Variants in CRAMP1 observed in about 807,000 individuals in gnomAD.
CRAMP1 encodes the protein cramped chromatin regulator 1.
CRAMP1 carries 50 observed loss-of-function variants against 115.4 expected under a neutral mutation model. The ratio of observed to expected loss-of-function variants is 0.43; its 90% CI spans 0.35 to 0.55. The LOEUF (loss-of-function observed/expected upper bound fraction) is 0.55. Ranked by LOEUF, CRAMP1 falls within the 20% of genes least tolerant of loss-of-function variation. The pLI is 0.01. For synonymous variants in CRAMP1, 866 were observed against 745.4 expected, an observed-to-expected ratio of 1.16 and a Z score of -2.64; for missense variants, 1,679 against 1,721.7, an observed-to-expected ratio of 0.98 and a Z score of 0.44.
rs767068024 is a variant in CRAMP1, at chr16:1,656,954, C to T, written c.2197C>T (p.Leu733Phe). ...CCACAAGCAGCGCCTCCTCAGCTGC[C>T]TCCTGAAGCTCATTTCCACCGAGGT... ...ALHKQRLLSC[L>F]LKLISTEVNP... Residue 733 changes from leucine (L) to phenylalanine (F), a missense_variant, in exon 10 of 21, where the codon CTC becomes TTC. Coordinates refer to ENST00000397412, the MANE Select transcript of CRAMP1 (RefSeq NM_020825.4). This position sits in a 1 kb window ranked among gnomAD's most constrained non-coding sequence, Gnocchi z 5.6. The T allele has an allele frequency of 1.3e-6, 2 of 1,554,250 alleles. No individual in the cohort carries two copies. The highest frequency in any genetic ancestry group is 1.7e-6 in the Non-Finnish European group (2 of 1,148,282).
At chr16:1,665,259 A>G in intron 14 of CRAMP1, 121 bp downstream of exon 14, 1 of 713,050 alleles carries the variant, frequency 1.4e-6, no homozygotes, top group South Asian at 1.6e-5. Context: ...TGTCCATTCT[A>G]CCGACAAATA....
chr16:1,655,921 A>C lies in CRAMP1; in HGVS notation c.1164A>C (p.Ala388=), dbSNP rs752316093. The C allele has an allele frequency of 1.2e-6, 2 of 1,612,926 alleles. No individual in the cohort carries two copies. The highest frequency in any genetic ancestry group is 3.3e-5 in the Admixed American group (2 of 60,020). ...GGCAGCTGCAGGACTCATGCTCCGCACCGATGCAGGAGAAGGTGACACTGC... is the reference window on the plus strand; with the variant it reads ...GGCAGCTGCAGGACTCATGCTCCGCCCCGATGCAGGAGAAGGTGACACTGC... ...EERQLQDSCS[A]PMQEKVTLHL... The change falls in exon 10 of 21, where the codon GCA becomes GCC. Residue 388 remains alanine (A), a synonymous_variant. Coordinates refer to ENST00000397412, the MANE Select transcript of CRAMP1 (RefSeq NM_020825.4).
intron 7 of CRAMP1, 138 bp from the exon 8 acceptor site, chr16:1,652,895 G>A: frequency 9.7e-7 from 1 of 1,036,188 alleles, no homozygotes; most frequent in Non-Finnish European, 1.4e-6. Context: ...TTCTTCGCTG[G>A]GGTTTCTCTG....
intron 14 of CRAMP1, 94 bp downstream of exon 14, chr16:1,665,232 A>C: frequency 1.3e-6 from 1 of 784,770 alleles, no homozygotes; most frequent in Non-Finnish European, 2.3e-6. Flanking sequence ...TCCATGGCCT[A>C]TCTTCAGGCA....
At chr16:1,620,602 G>A (rs1229241081) in intron 2 of CRAMP1, 1 of 456,538 alleles carries the variant, frequency 2.2e-6, no homozygotes, top group Admixed American at 2.3e-5. Context: ...ATGACAGGGT[G>A]TCACTGGGCT....
intron 3 of CRAMP1, among the ~76,000 whole-genome samples, chr16:1,628,487 C>T (rs907284343): frequency 2.0e-5 from 3 of 152,174 alleles, no homozygotes; most frequent in Non-Finnish European, 2.9e-5. Context: ...CTCCTGACCT[C>T]GGGTGATCCA....
chr16:1,655,034 G>A (rs909801233), intron 8 of CRAMP1, among the ~76,000 whole-genome samples, 185 bp from the exon 9 acceptor site: 8 of 152,242 alleles, frequency 5.3e-5, no homozygotes, highest in Non-Finnish European at 1.0e-4. Context: ...TCTGGCCATC[G>A]CAGCTGGAAA....
rs369480568 is a variant in CRAMP1, at chr16:1,660,136, G to A, written c.2413+73G>A. 301 of 1,309,258 alleles carry A rather than the reference G, an allele frequency of 2.3e-4. 2 individuals carry two copies. The South Asian group carries it at 3.8e-3, about 17-fold the overall frequency. 81.1% of individuals were successfully genotyped at this position (1,309,258 alleles called of 1,614,324 possible). Reference sequence around the variant, plus strand: ...CACCTCAGGCTTCAGGGGCCGTGCCGAAGCTGAGAGCACAGGTGTGCCTGA... The same window carrying A: ...CACCTCAGGCTTCAGGGGCCGTGCCAAAGCTGAGAGCACAGGTGTGCCTGA... On this transcript the variant is annotated intron_variant, in intron 11 of 20. Transcript: ENST00000397412.
chr16:1,665,097 A>G lies in CRAMP1; in HGVS notation c.2711A>G (p.Asn904Ser), dbSNP rs1012802667. ...AGACCATCGGAAAACCAGTCCCACAACGTTTGTTCCTTCTCCATCCTGTCT... is the reference window on the plus strand; with the variant it reads ...AGACCATCGGAAAACCAGTCCCACAGCGTTTGTTCCTTCTCCATCCTGTCT... ...LPRPSENQSHNVCSFSILSNS... is the reference protein window; with the variant it reads ...LPRPSENQSHSVCSFSILSNS... Residue 904 changes from asparagine to serine, a missense_variant, in exon 14 of 21, where the codon AAC (asparagine) becomes AGC (serine). Physicochemically the swap from Asn to Ser is conservative, Grantham distance 46 (BLOSUM62 1). This residue lies in a region of CRAMP1 where 709 missense variants were observed against 741.9 expected (regional missense o/e 0.96). Coordinates refer to ENST00000397412, the MANE Select transcript of CRAMP1 (RefSeq NM_020825.4). 1.2e-6 allele frequency: 2 copies of G among 1,613,252 alleles called. No homozygotes were observed. Among genetic ancestry groups the G allele is most frequent in the African/African-American group, 1.3e-5 (1 of 74,844 alleles).
At chr16:1,646,900 C>G in intron 6 of CRAMP1, 1 of 574,022 alleles carries the variant, frequency 1.7e-6, no homozygotes, top group Non-Finnish European at 3.1e-6. Flanking sequence ...TCTGAAAGGA[C>G]TGTCTCTCCT....
intron 2 of CRAMP1, among the ~76,000 whole-genome samples, chr16:1,624,783 A>C (rs2097515): frequency 0.33 from 50,703 of 151,898 alleles, 11,392 homozygotes; most frequent in African/African-American, 0.62. Flanking sequence ...GGGGTTTCAC[A>C]ATGTTGGCCA....
Position 1,655,535 on chromosome 16 carries a change from G to A in CRAMP1, c.1119+235G>A, listed in dbSNP as rs139756038. 8.2e-3 allele frequency among the ~76,000 whole-genome samples: 1,243 copies of A among 152,348 alleles called. 7 individuals carry two copies. Among genetic ancestry groups the A allele is most frequent in the Middle Eastern group, 0.017 (5 of 294 alleles). ...TCACAGCCAGCCCTCCACGATGTCAGTGGCCTGTGTCTGGCCCACGGGGTG... is the reference window on the plus strand; with the variant it reads ...TCACAGCCAGCCCTCCACGATGTCAATGGCCTGTGTCTGGCCCACGGGGTG... On this transcript the variant is annotated intron_variant, in intron 9 of 20. Coordinates refer to ENST00000397412, the MANE Select transcript of CRAMP1 (RefSeq NM_020825.4).
intron 6 of CRAMP1, among the ~76,000 whole-genome samples, chr16:1,645,731 C>A (rs1038486884): frequency 6.6e-5 from 10 of 152,138 alleles, no homozygotes; most frequent in African/African-American, 2.4e-4. Flanking sequence ...TAGCTTCACC[C>A]CAGCAGCCTC....
rs746858691 is a variant in CRAMP1, at chr16:1,656,305, C to G, written c.1548C>G (p.His516Gln). ...CTCCTGACAGGCCTCCTCCCAGGCA[C>G]CAGGACACTGGGCCATGTCTTGAGA... ...PDAPDRPPPR[H>Q]QDTGPCLEKT... The change falls in exon 10 of 21, where the codon CAC becomes CAG. Residue 516 changes from histidine (H) to glutamine (Q), a missense_variant. This residue lies in a region of CRAMP1 where 405 missense variants were observed against 302.6 expected (regional missense o/e 1.34). Coordinates refer to ENST00000397412, the MANE Select transcript of CRAMP1 (RefSeq NM_020825.4). This position sits in a 1 kb window ranked among gnomAD's most constrained non-coding sequence, Gnocchi z 5.6. 6.2e-7 allele frequency: 1 copy of G among 1,612,032 alleles called. No homozygotes were observed. The highest frequency in any genetic ancestry group is 1.7e-5 in the Admixed American group (1 of 59,932).
At position 1,656,230 on chromosome 16, in the gene CRAMP1, C is replaced by A; in HGVS notation, c.1473C>A (p.Pro491=). 3 of 1,607,892 alleles carry A rather than the reference C, an allele frequency of 1.9e-6. No homozygotes were observed. The highest frequency in any genetic ancestry group is 2.5e-6 in the Non-Finnish European group (3 of 1,178,646). The change falls in exon 10 of 21, where the codon CCC becomes CCA. Residue 491 remains proline (P), a synonymous_variant. Transcript: ENST00000397412. The surrounding 1 kb of genome is among the most constrained non-coding windows in gnomAD (Gnocchi z 5.6). ...DALQSSGESS[P]ESAPGEGAAL... is the part of the protein sequence containing the mutation. ...TGCAGAGCTCCGGAGAGAGTTCCCCCGAAAGCGCCCCCGGGGAGGGGGCTG... is the reference window on the plus strand; with the variant it reads ...TGCAGAGCTCCGGAGAGAGTTCCCCAGAAAGCGCCCCCGGGGAGGGGGCTG...
rs1002648641 is a variant in CRAMP1, at chr16:1,636,477, G to A, written c.695-1347G>A. Among the ~76,000 whole-genome samples the A allele has an allele frequency of 3.3e-5, 5 of 152,118 alleles. No individual in the cohort carries two copies. The South Asian group carries it at 6.2e-4, about 19-fold the overall frequency. On this transcript the variant is annotated intron_variant, in intron 4 of 20. Transcript: ENST00000397412. ...GAGAGCAGTTGGCCTGTGCTTAGCCGTGTCCGAGACCCATGGTCCAGAATC... is the reference window on the plus strand; with the variant it reads ...GAGAGCAGTTGGCCTGTGCTTAGCCATGTCCGAGACCCATGGTCCAGAATC...
intron 13 of CRAMP1, among the ~76,000 whole-genome samples, chr16:1,663,407 C>G (rs563546244): frequency 2.0e-5 from 3 of 152,198 alleles, no homozygotes; most frequent in Admixed American, 1.3e-4. Flanking sequence ...TCTTAGAAAT[C>G]TCTTTCTCCC....
chr16:1,645,377 G>A (rs146511275), intron 6 of CRAMP1: 3,971 of 242,540 alleles, frequency 0.016, 169 homozygotes, highest in African/African-American at 0.087. Flanking sequence ...TAGTACAGAC[G>A]GAGTTTCACC....
intron 2 of CRAMP1, 88 bp from the exon 3 acceptor site, chr16:1,625,885 A>G: frequency 3.1e-6 from 4 of 1,293,578 alleles, no homozygotes; most frequent in South Asian, 1.4e-5. Context: ...ACCTCAGGGC[A>G]GTGGGCCCTT....
Sources: allele counts gnomAD v4.1 joint callset (sites outside exome capture counted in the v4.1 genomes callset), GRCh38; gene constraint gnomAD v4.1.1; regional missense constraint gnomAD v4.1.1; non-coding constraint Gnocchi (gnomAD v3.1); transcripts MANE v1.5; gene names NCBI Gene and HGNC (gene_info 2026-07-23, HGNC 2026-07-21).